Variants in BCAS3 observed in about 807,000 individuals in gnomAD.
BCAS3 encodes BCAS4/BCAS3 fusion.
In BCAS3, 53 loss-of-function variants were observed where a neutral mutation model predicts 116.1. The observed-to-expected ratio is 0.46, with a 90% CI of 0.37 to 0.57. BCAS3 has a LOEUF of 0.57. BCAS3 is among the 20% of genes least tolerant of loss of function. The probability of loss-of-function intolerance (pLI) is 0.00; values close to 1 mark genes in which losing one functional copy is unlikely to be tolerated. For missense variants in BCAS3, 917 were observed against 1,165.4 expected (o/e 0.79, Z 3.10); for synonymous variants, 391 against 408.2 (o/e 0.96, Z 0.51).
rs953230123 is a variant in BCAS3 at position 61,325,383 on chromosome 17, T to C, written c.2426-42944T>C. On this transcript the variant is annotated intron_variant, in intron 22 of 23. Transcript: ENST00000407086. This position sits in a 1 kb window ranked among gnomAD's most constrained non-coding sequence, Gnocchi z 6.4. Reference sequence around the variant, plus strand: ...CTCCCCACCCTGCCCTGAACAGTTATTAGGGCTCACAGGGCTTGCAGGGTG... The same window carrying C: ...CTCCCCACCCTGCCCTGAACAGTTACTAGGGCTCACAGGGCTTGCAGGGTG... Among the ~76,000 whole-genome samples, 2 of 152,130 alleles carry C rather than the reference T, an allele frequency of 1.3e-5. No individual in the cohort carries two copies. The highest frequency in any genetic ancestry group is 4.8e-5 in the African/African-American group (2 of 41,436).
intron 22 of BCAS3, among the ~76,000 whole-genome samples, chr17:61,289,071 T>C (rs2052122785): frequency 6.6e-6 from 1 of 152,368 alleles, no homozygotes; most frequent in South Asian, 2.1e-4. Context: ...TTTCCACCCC[T>C]TAGTCCACTT....
intron 22 of BCAS3, among the ~76,000 whole-genome samples, chr17:61,223,971 C>A (rs1227996061): frequency 6.6e-6 from 1 of 152,228 alleles, no homozygotes; most frequent in Non-Finnish European, 1.5e-5. Flanking sequence ...TGCTAAATAT[C>A]ATGTGCTCGC....
At chr17:61,262,888 C>G (rs1368265448) in intron 22 of BCAS3, among the ~76,000 whole-genome samples, 4 of 151,616 alleles carry the variant, frequency 2.6e-5, no homozygotes, top group Admixed American at 2.0e-4. Flanking sequence ...GATGGGGTTT[C>G]TCCATGTTGG....
chr17:61,076,806 A>G (rs1402571121), intron 20 of BCAS3, among the ~76,000 whole-genome samples: 2 of 152,234 alleles, frequency 1.3e-5, no homozygotes, highest in Non-Finnish European at 2.9e-5. Context: ...ACATTGCTGA[A>G]TACAACTACT....
At position 61,015,731 on chromosome 17, in the gene BCAS3, C is replaced by A; in HGVS notation, c.1487-20C>A. 6.2e-7 allele frequency: 1 copy of A among 1,613,148 alleles called. No homozygotes were observed. The highest frequency in any genetic ancestry group is 8.5e-7 in the Non-Finnish European group (1 of 1,179,262). On this transcript the variant is annotated intron_variant, in intron 15 of 23. Transcript: ENST00000407086. ...GAGAACCTTCCTCAGTGATGCTTTTCTTTATTTTTCTCTTTGTAGGGAAAC... is the reference window on the plus strand; with the variant it reads ...GAGAACCTTCCTCAGTGATGCTTTTATTTATTTTTCTCTTTGTAGGGAAAC...
rs185519417 is a variant in BCAS3, at chr17:61,333,200, G to A, written c.2426-35127G>A. On this transcript the variant is annotated intron_variant, in intron 22 of 23. Coordinates refer to ENST00000407086, the MANE Select transcript of BCAS3 (RefSeq NM_017679.5). This position sits in a 1 kb window ranked among gnomAD's most constrained non-coding sequence, Gnocchi z 4.8. Reference sequence around the variant, plus strand: ...TGTGTGATCAGAGAAACAAAGTCTGGTGAGAGGAGCAAGTGCAGTTATGCA... The same window carrying A: ...TGTGTGATCAGAGAAACAAAGTCTGATGAGAGGAGCAAGTGCAGTTATGCA... 6.6e-6 allele frequency among the ~76,000 whole-genome samples: 1 copy of A among 152,174 alleles called. No homozygotes were observed. The highest frequency in any genetic ancestry group is 1.5e-5 in the Non-Finnish European group (1 of 68,032).
At chr17:61,225,391 G>A (rs948213665) in intron 22 of BCAS3, among the ~76,000 whole-genome samples, 2 of 152,118 alleles carry the variant, frequency 1.3e-5, no homozygotes, top group African/African-American at 4.8e-5. Flanking sequence ...TGGATACTAT[G>A]TCAAAGGTCA....
Position 61,012,607 on chromosome 17 carries a change from C to G in BCAS3, c.1487-3144C>G, listed in dbSNP as rs372941142. Among the ~76,000 whole-genome samples, 14 of 152,164 alleles carry G rather than the reference C, an allele frequency of 9.2e-5. No homozygotes were observed. Among genetic ancestry groups the G allele is most frequent in the African/African-American group, 3.1e-4 (13 of 41,558 alleles). On this transcript the variant is annotated intron_variant, in intron 15 of 23. Coordinates refer to ENST00000407086, the MANE Select transcript of BCAS3 (RefSeq NM_017679.5). This position sits in a 1 kb window ranked among gnomAD's most constrained non-coding sequence, Gnocchi z 4.5. ...TTAATATGTAAGACAGACACCACCC[C>G]TACGAACATAAACATGAATGTAAAA...
chr17:61,225,898 A>G (rs1222223760), intron 22 of BCAS3, among the ~76,000 whole-genome samples: 3 of 152,192 alleles, frequency 2.0e-5, no homozygotes, highest in African/African-American at 7.2e-5. Flanking sequence ...AGGCTTCGTT[A>G]TTGGTGATTA....
intron 22 of BCAS3, among the ~76,000 whole-genome samples, chr17:61,237,430 G>A (rs749223665): frequency 6.6e-6 from 1 of 152,182 alleles, no homozygotes; most frequent in South Asian, 2.1e-4. Flanking sequence ...ACAAATAAAG[G>A]AATAAAAGCT....
At chr17:60,695,404 G>A (rs1330646255) in intron 4 of BCAS3, among the ~76,000 whole-genome samples, 1 of 152,108 alleles carries the variant, frequency 6.6e-6, no homozygotes, top group African/African-American at 2.4e-5. Flanking sequence ...GAGCCACCGC[G>A]CCCAGCCCTG....
chr17:61,302,864 A>G lies in BCAS3; in HGVS notation c.2426-65463A>G, dbSNP rs1261499141. On this transcript the variant is annotated intron_variant, in intron 22 of 23. Coordinates refer to ENST00000407086, the MANE Select transcript of BCAS3 (RefSeq NM_017679.5). The surrounding 1 kb of genome is among the most constrained non-coding windows in gnomAD (Gnocchi z 4.4). ...ATAGGGAGGATGTAGGGTCTAGATC[A>G]CTTTCTAAATTCCTTTTCCACGAAA... Among the ~76,000 whole-genome samples the G allele has an allele frequency of 6.6e-6, 1 of 152,206 alleles. No individual in the cohort carries two copies. Among genetic ancestry groups the G allele is most frequent in the Non-Finnish European group, 1.5e-5 (1 of 68,032 alleles).
chr17:60,870,902 A>C (rs999364912), intron 8 of BCAS3, among the ~76,000 whole-genome samples: 5 of 152,222 alleles, frequency 3.3e-5, no homozygotes, highest in African/African-American at 1.2e-4. Flanking sequence ...ATTTTCAATT[A>C]CAAATTCAAT....
intron 22 of BCAS3, among the ~76,000 whole-genome samples, chr17:61,287,953 T>C (rs1050694754): frequency 6.6e-6 from 1 of 152,230 alleles, no homozygotes; most frequent in Non-Finnish European, 1.5e-5. Context: ...AGCTGAAGGT[T>C]GCAGGGATTA....
chr17:60,970,049 A>G (rs1227673052), intron 14 of BCAS3, among the ~76,000 whole-genome samples: 2 of 152,222 alleles, frequency 1.3e-5, no homozygotes, highest in Non-Finnish European at 2.9e-5. Flanking sequence ...AGTGAAGAAT[A>G]TGGTCATTTC....
In BCAS3 at chr17:60,990,104, T is replaced by G; in HGVS notation, c.1355T>G (p.Val452Gly). 1 of 1,614,136 alleles carries G rather than the reference T, an allele frequency of 6.2e-7. No individual in the cohort carries two copies. Among genetic ancestry groups the G allele is most frequent in the Non-Finnish European group, 8.5e-7 (1 of 1,180,030 alleles). The change falls in exon 15 of 24, where the codon GTG becomes GGG. Residue 452 changes from valine to glycine, a missense_variant. Transcript: ENST00000407086. The surrounding 1 kb of genome is among the most constrained non-coding windows in gnomAD (Gnocchi z 5.1). ...CGTACACATATGTCACCACGAGTAGTGAATCGCATGAGCCGTTTCCAGAAA... is the reference window on the plus strand; with the variant it reads ...CGTACACATATGTCACCACGAGTAGGGAATCGCATGAGCCGTTTCCAGAAA... ...CVRTHMSPRV[V>G]NRMSRFQKSA...
chr17:60,733,473 A>G (rs1298428262), intron 5 of BCAS3, among the ~76,000 whole-genome samples: 9 of 152,220 alleles, frequency 5.9e-5, no homozygotes. Flanking sequence ...TTTGACAGAA[A>G]GGCAAAATGC....
chr17:60,728,947 G>A (rs917326700), intron 5 of BCAS3, among the ~76,000 whole-genome samples: 6 of 152,154 alleles, frequency 3.9e-5, no homozygotes, highest in Non-Finnish European at 7.4e-5. Flanking sequence ...CCATTGGGGA[G>A]AAAATGTAGA....
In BCAS3 at chr17:61,048,431, A is replaced by T. The variant is rs979102152; in HGVS notation, c.2029+7539A>T. Among the ~76,000 whole-genome samples the T allele has an allele frequency of 7.2e-5, 11 of 152,156 alleles. 1 individual carries two copies. The highest frequency in any genetic ancestry group is 6.5e-4 in the Admixed American group (10 of 15,276). On this transcript the variant is annotated intron_variant, in intron 19 of 23. Coordinates refer to ENST00000407086, the MANE Select transcript of BCAS3 (RefSeq NM_017679.5). ...GTCTTTGGAGTTTCTAGGCTGTGTT[A>T]CAGTAAGGGAGAAAGCAAGTGAAAC...
Sources: gnomAD v4.1 joint callset for allele counts (sites outside exome capture counted in the v4.1 genomes callset) on GRCh38, gnomAD v4.1.1 for gene constraint, Gnocchi (gnomAD v3.1) non-coding constraint, MANE v1.5 for transcripts, NCBI Gene and HGNC (gene_info 2026-07-23, HGNC 2026-07-21) for gene names.